Variants in CCKBR observed in about 807,000 individuals in gnomAD.
CCKBR encodes the protein cholecystokinin B receptor.
Under a neutral mutation model 34.6 loss-of-function variants are expected in CCKBR, and 33 were observed. The ratio of observed to expected loss-of-function variants is 0.95; its 90% CI spans 0.72 to 1.27. The LOEUF (loss-of-function observed/expected upper bound fraction) is 1.27, where lower values mean the gene tolerates loss of function less well. CCKBR is among the 50% of genes most tolerant of loss of function. The pLI is 0.00. For synonymous variants in CCKBR, 269 were observed against 267.5 expected (o/e 1.01, Z -0.06); for missense variants, 652 against 617.4 (o/e 1.06, Z -0.59).
At chr11:6,266,985 A>G (rs1848219043) in intron 1 of CCKBR, among the ~76,000 whole-genome samples, 1 of 152,224 alleles carries the variant, frequency 6.6e-6, no homozygotes, top group Admixed American at 6.5e-5. Flanking sequence ...GTATCTAAAC[A>G]TAGAAAAGGT....
chr11:6,263,040 G>C (rs777235630), intron 1 of CCKBR, among the ~76,000 whole-genome samples: 3 of 152,186 alleles, frequency 2.0e-5, no homozygotes, highest in Admixed American at 6.5e-5. Flanking sequence ...GTTACACACA[G>C]AGACCCTGTC....
intron 4 of CCKBR, 55 bp downstream of exon 4, chr11:6,270,858 CGG>C: frequency 1.2e-6 from 2 of 1,612,908 alleles, no homozygotes; most frequent in Non-Finnish European, 1.7e-6. Flanking sequence ...TGGAGGGCGA[CGG>C]GGCCTGCTGG....
rs754986186 is a variant in CCKBR at position 6,259,980 on chromosome 11, G to A, written c.52G>A (p.Gly18Arg). The change falls in exon 1 of 5, where the codon GGG becomes AGG. Residue 18 changes from glycine (G) to arginine (R), a missense_variant. By Grantham distance (125) the Gly-to-Arg change is moderately radical (BLOSUM62 -2). Transcript: ENST00000334619. ...RSVQGTGPGP[G>R]ASLCRPGAPL... ...CGTGCAGGGAACCGGACCCGGGCCG[G>A]GGGCTTCCCTGTGCCGCCCGGGGGC... The A allele has an allele frequency of 1.3e-5, 20 of 1,565,872 alleles. No homozygotes were observed. The South Asian group carries it at 2.1e-4, about 16-fold the overall frequency.
Position 6,271,249 on chromosome 11 carries a change from T to C in CCKBR, c.1050T>C (p.Tyr350=), listed in dbSNP as rs965159112. Residue 350 remains tyrosine, a synonymous_variant, in exon 5 of 5, where the codon TAT becomes TAC. Transcript: ENST00000334619. ...TTTTTCTGTGTTGGTTGCCAGTTTA[T>C]AGTGCCAACACGTGGCGCGCCTTTG... ...VLFFLCWLPV[Y]SANTWRAFDG... The C allele has an allele frequency of 8.1e-6, 13 of 1,614,090 alleles. No homozygotes were observed. In the Middle Eastern group the frequency reaches 6.6e-4, roughly 82 times the overall value.
chr11:6,261,147 T>G (rs560361534), intron 1 of CCKBR, among the ~76,000 whole-genome samples: 1 of 152,274 alleles, frequency 6.6e-6, no homozygotes, highest in Admixed American at 6.5e-5. Flanking sequence ...GATTCTGTCA[T>G]TCAGCCAATA....
At chr11:6,269,160 T>G (rs1564887573) in intron 1 of CCKBR, among the ~76,000 whole-genome samples, 1 of 151,718 alleles carries the variant, frequency 6.6e-6, no homozygotes, top group African/African-American at 2.4e-5. Context: ...ATTTTTTTTT[T>G]TTTTTTTTTT....
chr11:6,269,456 C>G (rs1247042776), intron 1 of CCKBR, among the ~76,000 whole-genome samples: 9 of 152,108 alleles, frequency 5.9e-5, no homozygotes, highest in Non-Finnish European at 2.9e-5. Flanking sequence ...AAGAGACAGG[C>G]TTTCTTAAGG....
At position 6,270,730 on chromosome 11, in the gene CCKBR, C is replaced by A; in HGVS notation, c.738C>A (p.Tyr246Ter). The A allele has an allele frequency of 1.2e-6, 2 of 1,614,220 alleles. No individual in the cohort carries two copies. The highest frequency in any genetic ancestry group is 1.7e-6 in the Non-Finnish European group (2 of 1,180,058). The part of the protein sequence containing the change: ...VAYGLISREL[Y>*]LGLRFDGDSD... ...ACGGGCTTATCTCTCGCGAGCTCTA[C>A]TTAGGGCTTCGCTTTGACGGCGACA... is the stretch of plus-strand genomic sequence containing the variant. The change falls in exon 4 of 5, where the codon TAC (tyrosine) becomes TAA (stop). Residue 246 changes from tyrosine to a stop codon, truncating the protein, a stop_gained. Transcript: ENST00000334619. LOFTEE classifies it high-confidence loss of function.
chr11:6,268,575 C>T (rs951743634), intron 1 of CCKBR, among the ~76,000 whole-genome samples: 6 of 152,190 alleles, frequency 3.9e-5, no homozygotes, highest in African/African-American at 1.4e-4. Context: ...ATCCTTCAGC[C>T]TCACTCCTTA....
intron 1 of CCKBR, among the ~76,000 whole-genome samples, chr11:6,262,714 GAGAGAGAGAGAA>G (rs1848154180): frequency 7.1e-6 from 1 of 141,338 alleles, no homozygotes. Flanking sequence ...GAGAGAGAGA[GAGAGAGAGAGAA>G]AGAAAAGCAG....
chr11:6,260,103 C>G (rs17846993), intron 1 of CCKBR, 24 bp downstream of exon 1: 2 of 1,569,018 alleles, frequency 1.3e-6, no homozygotes, highest in South Asian at 2.3e-5. Flanking sequence ...TCAGCCCCCC[C>G]CACAAGCTAT....
chr11:6,261,774 A>T (rs1383171163), intron 1 of CCKBR, among the ~76,000 whole-genome samples: 1 of 152,238 alleles, frequency 6.6e-6, no homozygotes, highest in Non-Finnish European at 1.5e-5. Flanking sequence ...ATTCGGTAGT[A>T]CTACCAGGAT....
In CCKBR at chr11:6,271,595, C is replaced by G; in HGVS notation, c.*52C>G. On this transcript the variant is annotated 3_prime_UTR_variant, in exon 5 of 5. Coordinates refer to ENST00000334619, the MANE Select transcript of CCKBR (RefSeq NM_176875.4). ...GCAGGGCAAATGACATGCACTGACC[C>G]TTCCAGACATACGAAACACAAACCA... is the stretch of plus-strand genomic sequence containing the variant. 6.7e-7 allele frequency: 1 copy of G among 1,490,064 alleles called. No individual in the cohort carries two copies. The highest frequency in any genetic ancestry group is 8.9e-7 in the Non-Finnish European group (1 of 1,118,890). The allele number at this position is 1,490,064 out of a possible 1,614,324, so 92.3% of individuals were successfully genotyped here. A position where few individuals can be genotyped will look rare whatever the true frequency, so the allele number is the denominator to read the frequency against.
Position 6,271,071 on chromosome 11 carries a change from A to G in CCKBR, c.872A>G (p.Asp291Gly), listed in dbSNP as rs540451185. The change falls in exon 5 of 5, where the codon GAT (aspartate) becomes GGT (glycine). Residue 291 changes from aspartate (D) to glycine (G), a missense_variant. Transcript: ENST00000334619. The stretch of plus-strand genomic sequence containing the variant: ...ACTGGCGCGGTTGGCGAAGACAGCG[A>G]TGGCTGCTACGTGCAACTTCCACGT... ...PETGAVGEDSDGCYVQLPRSR... is the reference protein window; with the variant it reads ...PETGAVGEDSGGCYVQLPRSR... 1.2e-6 allele frequency: 2 copies of G among 1,614,132 alleles called. No individual in the cohort carries two copies. The highest frequency in any genetic ancestry group is 4.5e-5 in the East Asian group (2 of 44,880).
intron 1 of CCKBR, among the ~76,000 whole-genome samples, chr11:6,260,429 C>T (rs1848112779): frequency 6.6e-6 from 1 of 152,124 alleles, no homozygotes; most frequent in African/African-American, 2.4e-5. Flanking sequence ...TCTCCTTTTC[C>T]CTCTTACATC....
At chr11:6,270,363 G>C (rs1848279765) in intron 3 of CCKBR, 26 bp downstream of exon 3, 1 of 1,598,618 alleles carries the variant, frequency 6.3e-7, no homozygotes, top group African/African-American at 1.3e-5. Context: ...AACTATCCTA[G>C]GAATTCCTTT....
intron 3 of CCKBR, 59 bp downstream of exon 3, chr11:6,270,396 G>C (rs1275968564): frequency 1.9e-6 from 3 of 1,556,380 alleles, no homozygotes; most frequent in Non-Finnish European, 2.6e-6. Context: ...AGATGCTTAC[G>C]ACCATTGCCC....
In CCKBR at chr11:6,271,468, G is replaced by A. The variant is rs199904879; in HGVS notation, c.1269G>A (p.Glu423=). ...PRARPRALPD[E]DPPTPSIASL... ...CTCGCCCCAGGGCTCTTCCCGATGA[G>A]GACCCTCCCACTCCCTCCATTGCTT... The change falls in exon 5 of 5, where the codon GAG becomes GAA. Residue 423 remains glutamate (E), a synonymous_variant. Coordinates refer to ENST00000334619, the MANE Select transcript of CCKBR (RefSeq NM_176875.4). The A allele has an allele frequency of 6.2e-7, 1 of 1,612,974 alleles. No homozygotes were observed. The highest frequency in any genetic ancestry group is 1.7e-5 in the Admixed American group (1 of 60,018).
At chr11:6,266,779 A>T (rs1362602699) in intron 1 of CCKBR, among the ~76,000 whole-genome samples, 1 of 152,234 alleles carries the variant, frequency 6.6e-6, no homozygotes, top group Non-Finnish European at 1.5e-5. Context: ...TGATGGGGAT[A>T]CCTTCTGAGA....
Sources: gnomAD v4.1 joint callset for allele counts (sites outside exome capture counted in the v4.1 genomes callset) on GRCh38, gnomAD v4.1.1 for gene constraint, MANE v1.5 for transcripts, NCBI Gene and HGNC (gene_info 2026-07-23, HGNC 2026-07-21) for gene names.